SRP72: variants seen among roughly 807,000 people sequenced by gnomAD.
SRP72 encodes the protein signal recognition particle 72, also known as signal recognition particle subunit SRP72.
Under a neutral mutation model 96.3 loss-of-function variants are expected in SRP72, and 49 were observed. The observed-to-expected ratio is 0.51, with a 90% CI of 0.40 to 0.65. The LOEUF is 0.65. SRP72 is among the 30% of genes least tolerant of loss of function. The pLI is 0.00. For missense variants in SRP72, 736 were observed against 793.3 expected (o/e 0.93, Z 0.87); for synonymous variants, 267 against 275.2 (o/e 0.97, Z 0.30).
intron 5 of SRP72, among the ~76,000 whole-genome samples, chr4:56,475,288 G>A (rs1720160698): frequency 6.6e-6 from 1 of 152,154 alleles, no homozygotes. Flanking sequence ...TGAGTGCAGT[G>A]GCTCACGCCT....
chr4:56,472,388 C>T (rs970765667), intron 3 of SRP72, among the ~76,000 whole-genome samples: 4 of 147,704 alleles, frequency 2.7e-5, no homozygotes, highest in Non-Finnish European at 5.9e-5. Flanking sequence ...CTCTGTTTCC[C>T]AGGCTGGAGT....
chr4:56,485,885 T>A (rs1720693294), intron 10 of SRP72, among the ~76,000 whole-genome samples: 1 of 152,168 alleles, frequency 6.6e-6, no homozygotes, highest in Non-Finnish European at 1.5e-5. Context: ...CATTACTCCC[T>A]AGATAATATA....
At position 56,491,483 on chromosome 4, in the gene SRP72, G is replaced by T; in HGVS notation, c.1555G>T (p.Glu519Ter). 1 of 1,613,980 alleles carries T rather than the reference G, an allele frequency of 6.2e-7. No individual in the cohort carries two copies. The highest frequency in any genetic ancestry group is 8.5e-7 in the Non-Finnish European group (1 of 1,179,934). Residue 519 changes from glutamate (E) to a stop codon, truncating the protein, a stop_gained, in exon 16 of 19, where the codon GAG becomes TAG. Coordinates refer to ENST00000642900, the MANE Select transcript of SRP72 (RefSeq NM_006947.4). LOFTEE classifies it high-confidence loss of function. ...SDSMSLKVDV[E>*]ALENSAGATY... The stretch of plus-strand genomic sequence containing the variant: ...TAGTATGTCTCTAAAAGTAGATGTT[G>T]AGGCTCTTGAAAATTCTGCTGGTGC...
At chr4:56,470,396 T>C (rs1052882037) in intron 2 of SRP72, among the ~76,000 whole-genome samples, 1 of 152,116 alleles carries the variant, frequency 6.6e-6, no homozygotes, top group Non-Finnish European at 1.5e-5. Flanking sequence ...AAAAATTAGC[T>C]GGGTATGGTG....
intron 2 of SRP72, among the ~76,000 whole-genome samples, chr4:56,471,483 C>T (rs1719971600): frequency 6.6e-6 from 1 of 152,030 alleles, no homozygotes; most frequent in African/African-American, 2.4e-5. Flanking sequence ...TTCAAAAGGC[C>T]AATAATTTTA....
chr4:56,491,560 G>T lies in SRP72; in HGVS notation c.1632G>T (p.Lys544Asn). 6.2e-7 allele frequency: 1 copy of T among 1,613,424 alleles called. No individual in the cohort carries two copies. The highest frequency in any genetic ancestry group is 8.5e-7 in the Non-Finnish European group (1 of 1,179,670). Residue 544 changes from lysine to asparagine, a missense_variant, in exon 16 of 19, where the codon AAG becomes AAT. Physicochemically the swap from Lys to Asn is moderately conservative, Grantham distance 94. This residue lies in a region of SRP72 where 388 missense variants were observed against 431.8 expected (regional missense o/e 0.90). Transcript: ENST00000642900. Reference sequence around the variant, plus strand: ...AAGTTACTGGAGATAGTCAACCAAAGGAACAAGGGTAATATTTTTCATTGT... The same window carrying T: ...AAGTTACTGGAGATAGTCAACCAAATGAACAAGGGTAATATTTTTCATTGT... ...GGKVTGDSQP[K>N]EQGQGDLKKK...
intron 18 of SRP72, among the ~76,000 whole-genome samples, chr4:56,500,953 T>C (rs532204154): frequency 6.8e-6 from 1 of 147,862 alleles, no homozygotes; most frequent in Admixed American, 6.7e-5. Context: ...ATATATATAG[T>C]AAAAACTATT....
intron 1 of SRP72, among the ~76,000 whole-genome samples, chr4:56,469,298 A>C (rs1234878867): frequency 6.6e-6 from 1 of 152,224 alleles, no homozygotes; most frequent in Non-Finnish European, 1.5e-5. Flanking sequence ...TTTCCCTGTG[A>C]AGTAATGAAC....
At chr4:56,495,289 A>C in intron 16 of SRP72, 68 bp from the exon 17 acceptor site, 3 of 1,087,880 alleles carry the variant, frequency 2.8e-6, no homozygotes, top group Non-Finnish European at 2.7e-6. Context: ...ACTCTTATAG[A>C]GCACTTACTT....
At chr4:56,471,898 C>G in intron 3 of SRP72, 55 bp downstream of exon 3, 1 of 1,599,738 alleles carries the variant, frequency 6.3e-7, no homozygotes, top group Admixed American at 1.7e-5. Context: ...GCATGACTAC[C>G]TCTAGCAAGG....
intron 16 of SRP72, among the ~76,000 whole-genome samples, chr4:56,492,316 A>C (rs1023653015): frequency 6.6e-6 from 1 of 152,206 alleles, no homozygotes; most frequent in Admixed American, 6.5e-5. Flanking sequence ...CATTTAGTAT[A>C]TGATTTCTTT....
chr4:56,479,855 A>G (rs924563738), intron 8 of SRP72, among the ~76,000 whole-genome samples: 1 of 152,104 alleles, frequency 6.6e-6, no homozygotes, highest in African/African-American at 2.4e-5. Flanking sequence ...TGAACATACA[A>G]TTTATCTTGA....
At position 56,469,979 on chromosome 4, in the gene SRP72, T is replaced by G. The variant is rs544650545; in HGVS notation, c.230+206T>G. On this transcript the variant is annotated intron_variant, in intron 2 of 18. Transcript: ENST00000642900. ...TTTTTTCAGCCTTAGAGAGTTTTTT[T>G]TTTTTTTTTTAACCACTGTGTTTCC... 1.8e-3 allele frequency among the ~76,000 whole-genome samples: 269 copies of G among 151,984 alleles called. 9 individuals carry two copies. In the South Asian group the frequency reaches 0.038, roughly 22 times the overall value.
rs1397105336 is a variant in SRP72, at chr4:56,483,082, A to G, written c.826-57A>G. On this transcript the variant is annotated intron_variant, in intron 8 of 18. Transcript: ENST00000642900. Reference sequence around the variant, plus strand: ...TGTATCTATATAAAGTTAATAGAAAAAGGAATAAGTTGAAATCTGAGATTC... The same window carrying G: ...TGTATCTATATAAAGTTAATAGAAAGAGGAATAAGTTGAAATCTGAGATTC... 8 of 1,534,540 alleles carry G rather than the reference A, an allele frequency of 5.2e-6. No individual in the cohort carries two copies. In the East Asian group the frequency reaches 6.9e-5, roughly 13 times the overall value.
chr4:56,486,495 A>G, intron 11 of SRP72, 98 bp downstream of exon 11: 2 of 906,604 alleles, frequency 2.2e-6, no homozygotes, highest in Non-Finnish European at 3.2e-6. Context: ...TTTTTGTGTA[A>G]TAGTAAAGCA....
chr4:56,493,692 C>A (rs1720985398), intron 16 of SRP72, among the ~76,000 whole-genome samples: 1 of 151,998 alleles, frequency 6.6e-6, no homozygotes, highest in Non-Finnish European at 1.5e-5. Context: ...TGGTGAAACC[C>A]CCATCTCTAC....
chr4:56,490,746 C>T, intron 15 of SRP72, 101 bp downstream of exon 15: 1 of 963,800 alleles, frequency 1.0e-6, no homozygotes. Flanking sequence ...TAAACTGCAA[C>T]TAACAAATCC....
intron 5 of SRP72, chr4:56,475,579 AGAATT>A (rs1379119999): frequency 6.7e-6 from 1 of 149,842 alleles, no homozygotes; most frequent in Non-Finnish European, 1.5e-5. Flanking sequence ...AAAAAAAAAA[AGAATT>A]ATAATTTCCT....
chr4:56,486,804 T>C (rs1720726913), intron 11 of SRP72, among the ~76,000 whole-genome samples: 1 of 152,220 alleles, frequency 6.6e-6, no homozygotes, highest in Non-Finnish European at 1.5e-5. Context: ...TACTTCATTT[T>C]ACACTTTGCC....
Sources: allele counts gnomAD v4.1 joint callset (sites outside exome capture counted in the v4.1 genomes callset), GRCh38; gene constraint gnomAD v4.1.1; regional missense constraint gnomAD v4.1.1; transcripts MANE v1.5; gene names NCBI Gene and HGNC (gene_info 2026-07-23, HGNC 2026-07-21).